Variants in BCAS3 observed in about 807,000 individuals in gnomAD.
BCAS3 encodes the protein BCAS3 microtubule associated cell migration factor.
Under a neutral mutation model 116.1 loss-of-function variants are expected in BCAS3, and 53 were observed. That is an observed-to-expected ratio of 0.46 (90% CI 0.37 to 0.57). The LOEUF (loss-of-function observed/expected upper bound fraction) is 0.57, where lower values mean the gene tolerates loss of function less well. BCAS3 is among the 20% of genes least tolerant of loss of function. BCAS3 has a pLI of 0.00. For synonymous variants in BCAS3, 391 were observed against 408.2 expected, an observed-to-expected ratio of 0.96 and a Z score of 0.51; for missense variants, 917 against 1,165.4, an observed-to-expected ratio of 0.79 and a Z score of 3.10.
rs143770646 is a variant in BCAS3, at chr17:60,911,111, C to CTTTTT, written c.993+412_993+416dup. Reference sequence around the variant, plus strand: ...AATTGTAAGATTAATAAATTTTTTTCTTTTTTTCTTTCTTTTTTTTTTTTT... The same window carrying CTTTTT: ...AATTGTAAGATTAATAAATTTTTTTCTTTTTTTTTTTTCTTTCTTTTTTTTTTTTT... On this transcript the variant is annotated intron_variant, in intron 12 of 23. Coordinates refer to ENST00000407086, the MANE Select transcript of BCAS3 (RefSeq NM_017679.5). Among the ~76,000 whole-genome samples the CTTTTT allele has an allele frequency of 5.0e-4, 53 of 105,666 alleles. 1 individual carries two copies. The highest frequency in any genetic ancestry group is 1.2e-3 in the African/African-American group (39 of 32,716). The allele number at this position is 105,666 out of a possible 152,430, so 69.3% of individuals were successfully genotyped here. A position where few individuals can be genotyped will look rare whatever the true frequency, so the allele number is the denominator to read the frequency against.
chr17:60,776,307 T>G (rs780616497), intron 6 of BCAS3, among the ~76,000 whole-genome samples: 2 of 152,234 alleles, frequency 1.3e-5, no homozygotes, highest in African/African-American at 4.8e-5. Flanking sequence ...GCTGTTGGTA[T>G]TTTATTCATA....
chr17:60,788,197 A>T (rs1040277402), intron 6 of BCAS3, among the ~76,000 whole-genome samples: 1 of 152,026 alleles, frequency 6.6e-6, no homozygotes, highest in African/African-American at 2.4e-5. Context: ...TTGATCATTA[A>T]TTTTTTTTGA....
intron 22 of BCAS3, among the ~76,000 whole-genome samples, chr17:61,330,706 G>A (rs1021493083): frequency 3.3e-5 from 5 of 152,178 alleles, no homozygotes; most frequent in Non-Finnish European, 5.9e-5. Flanking sequence ...AGCACACAGG[G>A]GACACCTGAA....
At chr17:61,268,368 CA>C (rs2049940717) in intron 22 of BCAS3, among the ~76,000 whole-genome samples, 1 of 152,050 alleles carries the variant, frequency 6.6e-6, no homozygotes, top group Non-Finnish European at 1.5e-5. Context: ...ACAATTTTTT[CA>C]TTTTCTTTTG....
At chr17:60,938,475 A>G (rs1230322702) in intron 13 of BCAS3, among the ~76,000 whole-genome samples, 2 of 152,220 alleles carry the variant, frequency 1.3e-5, no homozygotes, top group African/African-American at 2.4e-5. Flanking sequence ...GGAAAAATAA[A>G]TCTTTACTAA....
In BCAS3 at chr17:61,144,237, C is replaced by T. The variant is rs2077078316; in HGVS notation, c.2425+59673C>T. On this transcript the variant is annotated intron_variant, in intron 22 of 23. Coordinates refer to ENST00000407086, the MANE Select transcript of BCAS3 (RefSeq NM_017679.5). The surrounding 1 kb of genome is among the most constrained non-coding windows in gnomAD (Gnocchi z 5.0). The stretch of plus-strand genomic sequence containing the variant: ...TTTTTTTTAAGGAGGGTTATAGTAT[C>T]CTGAAGACTTCATTTCTTTCTCTGA... 6.6e-6 allele frequency among the ~76,000 whole-genome samples: 1 copy of T among 151,844 alleles called. No individual in the cohort carries two copies. The highest frequency in any genetic ancestry group is 1.5e-5 in the Non-Finnish European group (1 of 67,978).
chr17:61,283,420 G>C (rs950710866), intron 22 of BCAS3, among the ~76,000 whole-genome samples: 7 of 151,908 alleles, frequency 4.6e-5, no homozygotes, highest in Non-Finnish European at 7.4e-5. Flanking sequence ...AATTTAGAGG[G>C]GATTTGTACC....
intron 13 of BCAS3, among the ~76,000 whole-genome samples, chr17:60,932,346 G>A (rs976492175): frequency 2.0e-5 from 3 of 152,076 alleles, no homozygotes; most frequent in African/African-American, 7.2e-5. Flanking sequence ...CTTCATAATT[G>A]TAATCATGGA....
At chr17:61,006,191 C>G (rs890439408) in intron 15 of BCAS3, among the ~76,000 whole-genome samples, 1 of 151,962 alleles carries the variant, frequency 6.6e-6, no homozygotes, top group Non-Finnish European at 1.5e-5. Context: ...ACTTTTTATT[C>G]AAGAGAAAAT....
chr17:60,976,726 G>A (rs1486297305), intron 14 of BCAS3, among the ~76,000 whole-genome samples: 2 of 152,142 alleles, frequency 1.3e-5, no homozygotes, highest in Non-Finnish European at 2.9e-5. Flanking sequence ...AGTGGACACA[G>A]CACATGTTTC....
At chr17:61,018,786 AC>A in intron 16 of BCAS3, among the ~76,000 whole-genome samples, 1 of 152,324 alleles carries the variant, frequency 6.6e-6, no homozygotes, top group East Asian at 1.9e-4. Flanking sequence ...AAAGGCACAG[AC>A]ATTCTCTTAT....
At chr17:60,737,060 CT>C in intron 5 of BCAS3, among the ~76,000 whole-genome samples, 1 of 152,214 alleles carries the variant, frequency 6.6e-6, no homozygotes, top group South Asian at 2.1e-4. Flanking sequence ...TTGCCTCAGA[CT>C]CCTGAGTAGC....
intron 15 of BCAS3, among the ~76,000 whole-genome samples, chr17:60,991,992 C>T (rs1056884214): frequency 1.3e-5 from 2 of 151,992 alleles, no homozygotes; most frequent in African/African-American, 2.4e-5. Flanking sequence ...AGGAATGTAA[C>T]GCAATTGATC....
intron 5 of BCAS3, among the ~76,000 whole-genome samples, chr17:60,746,010 C>A (rs182991929): frequency 6.2e-4 from 94 of 152,142 alleles, no homozygotes; most frequent in African/African-American, 2.2e-3. Context: ...CTAATTTTAT[C>A]ATGTATACAT....
rs906153962 is a variant in BCAS3 at position 61,017,564 on chromosome 17, C to T, written c.1637+1663C>T. On this transcript the variant is annotated intron_variant, in intron 16 of 23. Transcript: ENST00000407086. The surrounding 1 kb of genome is among the most constrained non-coding windows in gnomAD (Gnocchi z 4.7). ...ATATTCTGGTGCTTTGTTTCTGGTG[C>T]GTGTTTATTTAATTTTAACATAAGA... is the stretch of plus-strand genomic sequence containing the variant. Among the ~76,000 whole-genome samples the T allele has an allele frequency of 3.3e-5, 5 of 152,098 alleles. No individual in the cohort carries two copies. Among genetic ancestry groups the T allele is most frequent in the African/African-American group, 9.7e-5 (4 of 41,412 alleles).
chr17:60,784,439 C>T (rs1055175883), intron 6 of BCAS3, among the ~76,000 whole-genome samples: 2 of 150,570 alleles, frequency 1.3e-5, no homozygotes, highest in Non-Finnish European at 2.9e-5. Context: ...GCTGGGACTA[C>T]AGGTGCCCGC....
intron 6 of BCAS3, among the ~76,000 whole-genome samples, chr17:60,782,127 T>C (rs1359005230): frequency 6.6e-6 from 1 of 152,086 alleles, no homozygotes; most frequent in Non-Finnish European, 1.5e-5. Flanking sequence ...ATATGAGGAG[T>C]CCAGTTATTA....
At chr17:61,301,803 A>G (rs928410030) in intron 22 of BCAS3, among the ~76,000 whole-genome samples, 6 of 152,164 alleles carry the variant, frequency 3.9e-5, no homozygotes, top group Admixed American at 3.9e-4. Context: ...AATTCTATTC[A>G]TAGATCTCAT....
intron 7 of BCAS3, among the ~76,000 whole-genome samples, chr17:60,835,285 C>T (rs574719681): frequency 3.3e-5 from 5 of 152,094 alleles, no homozygotes; most frequent in Non-Finnish European, 7.4e-5. Flanking sequence ...TACTTTCAAA[C>T]AGTACACTGT....
Sources: allele counts gnomAD v4.1 joint callset (sites outside exome capture counted in the v4.1 genomes callset), GRCh38; gene constraint gnomAD v4.1.1; non-coding constraint Gnocchi (gnomAD v3.1); transcripts MANE v1.5; gene names NCBI Gene and HGNC (gene_info 2026-07-23, HGNC 2026-07-21).